FMNL1: variants seen among roughly 807,000 people sequenced by gnomAD.
FMNL1 encodes formin-like protein 1.
A neutral mutation model predicts 121.3 loss-of-function variants in FMNL1; 43 were observed. The observed-to-expected ratio is 0.35, with a 90% CI of 0.28 to 0.46. The LOEUF (loss-of-function observed/expected upper bound fraction) is 0.46, where lower values mean the gene tolerates loss of function less well. FMNL1 is among the 20% of genes least tolerant of loss of function. The pLI, the probability that FMNL1 is intolerant of heterozygous loss-of-function variation, is 1.00. For missense variants in FMNL1, 1,191 were observed against 1,482.4 expected (o/e 0.80, Z 3.23); for synonymous variants, 613 against 613.5 (o/e 1.00, Z 0.01).
In FMNL1 at chr17:45,237,726, GC is replaced by G; in HGVS notation, c.894+88del. The G allele has an allele frequency of 6.9e-7, 1 of 1,455,900 alleles. No homozygotes were observed. Among genetic ancestry groups the G allele is most frequent in the Non-Finnish European group, 9.6e-7 (1 of 1,045,728 alleles). The allele number at this position is 1,455,900 out of a possible 1,614,324, so 90.2% of individuals were successfully genotyped here. On this transcript the variant is annotated intron_variant, in intron 9 of 26. Coordinates refer to ENST00000331495, the MANE Select transcript of FMNL1 (RefSeq NM_005892.4). This position sits in a 1 kb window ranked among gnomAD's most constrained non-coding sequence, Gnocchi z 4.4. ...TTGGCAGTTGTGGCCTTTGCTGGAG[GC>G]AGCTGGGGACATTGGGTGGGCATTT...
At chr17:45,242,267 C>T (rs2043723361) in intron 15 of FMNL1, 74 bp from the exon 16 acceptor site, 2 of 1,588,232 alleles carry the variant, frequency 1.3e-6, no homozygotes, top group East Asian at 2.2e-5. Flanking sequence ...GCTGCCCCAT[C>T]AGCCCTCCCT....
At position 45,229,377 on chromosome 17, in the gene FMNL1, G is replaced by A. The variant is rs528179412; in HGVS notation, c.130-1227G>A. On this transcript the variant is annotated intron_variant, in intron 1 of 26. Coordinates refer to ENST00000331495, the MANE Select transcript of FMNL1 (RefSeq NM_005892.4). ...CCAGAACTAGGCCCAGCACCCTGGA[G>A]GGGAAGCTGGCTGGGGAGTCTCAGG... Among the ~76,000 whole-genome samples the A allele has an allele frequency of 2.6e-5, 4 of 152,370 alleles. No homozygotes were observed. The East Asian group carries it at 5.8e-4, about 22-fold the overall frequency.
chr17:45,245,504 C>T, intron 22 of FMNL1, 88 bp downstream of exon 22: 1 of 1,606,148 alleles, frequency 6.2e-7, no homozygotes, highest in South Asian at 1.1e-5. Flanking sequence ...AGCTGGGACC[C>T]CTTGGGGGGA....
At position 45,243,295 on chromosome 17, in the gene FMNL1, G is replaced by A. The variant is rs146935438; in HGVS notation, c.2188G>A (p.Glu730Lys). ...ITLRKGNLGA[E>K]RICQAIEAYD... ...CCTGCGGAAGGGCAACCTGGGGGCC[G>A]AGCGCATCTGCCAAGCCATTGAGGC... The change falls in exon 17 of 27, where the codon GAG becomes AAG. Residue 730 changes from glutamate to lysine, a missense_variant. Around this residue, in one of 4 missense-constraint regions of FMNL1, gnomAD observed 367 missense variants for 528.6 expected, o/e 0.69. Coordinates refer to ENST00000331495, the MANE Select transcript of FMNL1 (RefSeq NM_005892.4). 109 of 1,613,380 alleles carry A rather than the reference G, an allele frequency of 6.8e-5. No homozygotes were observed. Among genetic ancestry groups the A allele is most frequent in the Middle Eastern group, 3.3e-4 (2 of 5,974 alleles).
At position 45,240,589 on chromosome 17, in the gene FMNL1, G is replaced by A. The variant is rs1443055425; in HGVS notation, c.1194G>A (p.Leu398=). The A allele has an allele frequency of 6.2e-7, 1 of 1,613,792 alleles. No homozygotes were observed. Among genetic ancestry groups the A allele is most frequent in the Non-Finnish European group, 8.5e-7 (1 of 1,179,978 alleles). ...ACACAGAGACCAAGAACGCTGTGCTGGAGCACATGGAGGAACTGCAGGAGC... is the reference window on the plus strand; with the variant it reads ...ACACAGAGACCAAGAACGCTGTGCTAGAGCACATGGAGGAACTGCAGGAGC... ...LEDTETKNAV[L]EHMEELQEQV... Residue 398 remains leucine (L), a synonymous_variant, in exon 12 of 27, where the codon CTG becomes CTA. Coordinates refer to ENST00000331495, the MANE Select transcript of FMNL1 (RefSeq NM_005892.4).
rs540704748 is a variant in FMNL1, at chr17:45,223,361, A to G, written c.129+1108A>G. On this transcript the variant is annotated intron_variant, in intron 1 of 26. Coordinates refer to ENST00000331495, the MANE Select transcript of FMNL1 (RefSeq NM_005892.4). Reference sequence around the variant, plus strand: ...ATCATTTCCCCTCGCCTGGCTGGTCATTAGGCCATACGTGCTAGATCCTCA... The same window carrying G: ...ATCATTTCCCCTCGCCTGGCTGGTCGTTAGGCCATACGTGCTAGATCCTCA... Among the ~76,000 whole-genome samples, 79 of 152,266 alleles carry G rather than the reference A, an allele frequency of 5.2e-4. 1 individual carries two copies. In the Middle Eastern group the frequency reaches 0.024, roughly 46 times the overall value.
chr17:45,226,669 G>A (rs1364971516), intron 1 of FMNL1, among the ~76,000 whole-genome samples: 1 of 152,208 alleles, frequency 6.6e-6, no homozygotes, highest in Non-Finnish European at 1.5e-5. Context: ...GCTTAGAACG[G>A]CACCTAGCAC....
At position 45,221,930 on chromosome 17, in the gene FMNL1, G is replaced by C; in HGVS notation, c.-195G>C. ...CAGCTCGCCGCCCGGTCCCACGGAC[G>C]GGGCCGCCCCGATGGGACGCCGCGC... On this transcript the variant is annotated 5_prime_UTR_variant, in exon 1 of 27. Transcript: ENST00000331495. The C allele has an allele frequency of 2.9e-6, 1 of 350,630 alleles. No individual in the cohort carries two copies. Among genetic ancestry groups the C allele is most frequent in the Non-Finnish European group, 5.0e-6 (1 of 200,966 alleles). 21.7% of individuals were successfully genotyped at this position (350,630 alleles called of 1,614,324 possible). A position where few individuals can be genotyped will look rare whatever the true frequency, so the allele number is the denominator to read the frequency against.
chr17:45,236,187 C>T lies in FMNL1; in HGVS notation c.666C>T (p.Ser222=). 2 of 1,613,926 alleles carry T rather than the reference C, an allele frequency of 1.2e-6. No homozygotes were observed. Among genetic ancestry groups the T allele is most frequent in the South Asian group, 1.1e-5 (1 of 91,086 alleles). ...RKALRNSRIV[S]QKDDVHVCIM... ...CCCTGCGGAATTCCCGCATCGTCAG[C>T]CAGAAGGACGACGTCCACGTCTGTA... Residue 222 remains serine, a synonymous_variant, in exon 7 of 27, where the codon AGC becomes AGT. Transcript: ENST00000331495.
rs1225081143 is a variant in FMNL1 at position 45,233,793 on chromosome 17, A to G, written c.485+62A>G. The G allele has an allele frequency of 1.1e-5, 18 of 1,593,744 alleles. No homozygotes were observed. Among genetic ancestry groups the G allele is most frequent in the Admixed American group, 3.4e-5 (2 of 58,458 alleles). ...AGAGCTTTGATCCCCGTCTCCCTGC[A>G]TCTCACCCACTCCCCTGGCCAGTTT... On this transcript the variant is annotated intron_variant, in intron 5 of 26. Coordinates refer to ENST00000331495, the MANE Select transcript of FMNL1 (RefSeq NM_005892.4). This position sits in a 1 kb window ranked among gnomAD's most constrained non-coding sequence, Gnocchi z 4.1.
At chr17:45,224,175 C>T (rs2043287155) in intron 1 of FMNL1, among the ~76,000 whole-genome samples, 1 of 152,158 alleles carries the variant, frequency 6.6e-6, no homozygotes, top group South Asian at 2.1e-4. Context: ...CTCAGCCTGT[C>T]TTATATCCTG....
Position 45,231,900 on chromosome 17 carries a change from C to T in FMNL1, c.214-467C>T, listed in dbSNP as rs1431403751. On this transcript the variant is annotated intron_variant, in intron 2 of 26. Transcript: ENST00000331495. This position sits in a 1 kb window ranked among gnomAD's most constrained non-coding sequence, Gnocchi z 4.7. ...GACTGAGTTCCTTCCCACCCCAGGG[C>T]GGGGCCTACGGCAGGACTGACCCCT... Among the ~76,000 whole-genome samples the T allele has an allele frequency of 1.3e-5, 2 of 152,158 alleles. No homozygotes were observed. The highest frequency in any genetic ancestry group is 2.9e-5 in the Non-Finnish European group (2 of 68,022).
In FMNL1 at chr17:45,242,148, T is replaced by A; in HGVS notation, c.1885+2T>A. 6.5e-7 allele frequency: 1 copy of A among 1,535,192 alleles called. No individual in the cohort carries two copies. On this transcript the variant is annotated splice_donor_variant, in intron 15 of 26. Transcript: ENST00000331495. LOFTEE classifies it high-confidence loss of function. ...GACGCGACTCAGAATTGGGCCCAGGTGAGTGGAGTGGACCACCTTGGGCCC... is the reference window on the plus strand; with the variant it reads ...GACGCGACTCAGAATTGGGCCCAGGAGAGTGGAGTGGACCACCTTGGGCCC...
chr17:45,232,758 GGT>G (rs149979513), intron 3 of FMNL1: 3 of 593,050 alleles, frequency 5.1e-6, no homozygotes, highest in East Asian at 3.2e-5. Flanking sequence ...TCCATACATA[GGT>G]GTGTGTGTAT....
At chr17:45,225,643 C>G (rs142673991) in intron 1 of FMNL1, among the ~76,000 whole-genome samples, 37 of 152,280 alleles carry the variant, frequency 2.4e-4, no homozygotes, top group African/African-American at 8.2e-4. Context: ...AGGGCTACCT[C>G]TGCCTTTTTC....
At position 45,241,108 on chromosome 17, in the gene FMNL1, C is replaced by A. The variant is rs1274905469; in HGVS notation, c.1231-21C>A. ...CAGTGCCGGGCTGCGGGTCGGGGCT[C>A]ACCATGTGCTGGTGCTACAGCTGAC... On this transcript the variant is annotated intron_variant, in intron 12 of 26. Transcript: ENST00000331495. This position sits in a 1 kb window ranked among gnomAD's most constrained non-coding sequence, Gnocchi z 7.0. 2.5e-6 allele frequency: 4 copies of A among 1,613,516 alleles called. No individual in the cohort carries two copies. The highest frequency in any genetic ancestry group is 1.7e-4 in the Middle Eastern group (1 of 5,792).
In FMNL1 at chr17:45,247,111, C is replaced by G. The variant is rs1471997477; in HGVS notation, c.*253C>G. On this transcript the variant is annotated 3_prime_UTR_variant, in exon 27 of 27. Transcript: ENST00000331495. The stretch of plus-strand genomic sequence containing the variant: ...CTCAAACGGGCTGGTGCATCCTCCT[C>G]TTGGCCACAGAGGGCAGCATCGCCC... The G allele has an allele frequency of 3.3e-6, 2 of 597,134 alleles. No individual in the cohort carries two copies. The highest frequency in any genetic ancestry group is 2.8e-5 in the Admixed American group (1 of 35,218). 37.0% of individuals were successfully genotyped at this position (597,134 alleles called of 1,614,324 possible).
chr17:45,244,047 C>T (rs371725991), intron 18 of FMNL1, 22 bp downstream of exon 18: 28 of 1,599,778 alleles, frequency 1.8e-5, no homozygotes, highest in African/African-American at 8.0e-5. Context: ...GCGGGCAGGG[C>T]GGTGTGACTT....
intron 1 of FMNL1, among the ~76,000 whole-genome samples, chr17:45,229,512 T>A (rs1435061216): frequency 6.6e-6 from 1 of 152,178 alleles, no homozygotes; most frequent in Non-Finnish European, 1.5e-5. Flanking sequence ...GTCTCCCACA[T>A]CCCCGATGGA....
Sources: gnomAD v4.1 joint callset for allele counts (sites outside exome capture counted in the v4.1 genomes callset) on GRCh38, gnomAD v4.1.1 for gene constraint, gnomAD v4.1.1 regional missense constraint, Gnocchi (gnomAD v3.1) non-coding constraint, MANE v1.5 for transcripts, NCBI Gene and HGNC (gene_info 2026-07-23, HGNC 2026-07-21) for gene names.